Variants in NYAP2 observed in about 807,000 individuals in gnomAD.
NYAP2 encodes neuronal tyrosine-phosphorylated phosphoinositide-3-kinase adapter 2.
A neutral mutation model predicts 50.4 loss-of-function variants in NYAP2; 23 were observed. The ratio of observed to expected loss-of-function variants is 0.46; its 90% CI spans 0.33 to 0.65. The LOEUF (loss-of-function observed/expected upper bound fraction) is 0.65. Ranked by LOEUF, NYAP2 falls within the 30% of genes least tolerant of loss-of-function variation. NYAP2 has a pLI of 0.02. For synonymous variants in NYAP2, 394 were observed against 365.2 expected (o/e 1.08, Z -0.90); for missense variants, 885 against 861.0 (o/e 1.03, Z -0.35).
intron 4 of NYAP2, among the ~76,000 whole-genome samples, chr2:225,559,348 C>T (rs941864678): frequency 1.3e-4 from 4 of 29,704 alleles, no homozygotes; most frequent in Non-Finnish European, 3.5e-4. Flanking sequence ...TGTACAAATG[C>T]CAAAAAAAAA....
chr2:225,604,805 A>G (rs911926104), intron 5 of NYAP2, among the ~76,000 whole-genome samples: 3 of 152,180 alleles, frequency 2.0e-5, no homozygotes, highest in Non-Finnish European at 4.4e-5. Context: ...ATTTATTGAG[A>G]GAATCAGTAA....
intron 3 of NYAP2, among the ~76,000 whole-genome samples, chr2:225,472,930 G>A (rs1042131634): frequency 4.9e-4 from 75 of 152,142 alleles, no homozygotes; most frequent in African/African-American, 1.7e-3. Flanking sequence ...TTTACATTAG[G>A]CATATCTCCT....
chr2:225,605,025 A>G (rs906308507), intron 5 of NYAP2, among the ~76,000 whole-genome samples: 1 of 152,160 alleles, frequency 6.6e-6, no homozygotes, highest in African/African-American at 2.4e-5. Context: ...TATTCTCATT[A>G]GCCTTTGTAA....
At chr2:225,422,960 T>C (rs1041403436) in intron 3 of NYAP2, among the ~76,000 whole-genome samples, 1 of 152,138 alleles carries the variant, frequency 6.6e-6, no homozygotes, top group African/African-American at 2.4e-5. Context: ...CTATAAAATA[T>C]GGCTTTCTGA....
intron 5 of NYAP2, among the ~76,000 whole-genome samples, chr2:225,625,172 A>G (rs1195201627): frequency 6.6e-6 from 1 of 151,988 alleles, no homozygotes. Context: ...TTATTAGATA[A>G]TCAGATTTTT....
the NYAP2 span, among the ~76,000 whole-genome samples, chr2:225,698,075 G>T: frequency 6.6e-6 from 1 of 151,850 alleles, no homozygotes; most frequent in African/African-American, 2.4e-5. Flanking sequence ...CTACTGGGGA[G>T]ACTGAGGTGG....
intron 4 of NYAP2, among the ~76,000 whole-genome samples, chr2:225,573,875 G>T (rs991710845): frequency 1.2e-4 from 18 of 152,136 alleles, no homozygotes; most frequent in African/African-American, 4.3e-4. Context: ...ATACTCTGTA[G>T]GTCAAGGCAA....
At chr2:225,531,790 C>A (rs926010011) in intron 4 of NYAP2, among the ~76,000 whole-genome samples, 3 of 152,186 alleles carry the variant, frequency 2.0e-5, no homozygotes, top group Non-Finnish European at 4.4e-5. Flanking sequence ...AATACAGCAA[C>A]CACTCTGAAT....
chr2:225,699,494 T>C, the NYAP2 span: 48 of 152,052 alleles, frequency 3.2e-4, no homozygotes, highest in African/African-American at 1.0e-3. Context: ...TTCATGTGTA[T>C]GCTTGTTTCC....
chr2:225,513,398 C>T (rs371670220), exon 4 of NYAP2: 91 of 1,613,956 alleles, frequency 5.6e-5, no homozygotes, highest in African/African-American at 1.1e-4. Context: ...GGCGAGGCCA[C>T]GAAGGAAGTT....
Position 225,621,459 on chromosome 2 carries a change from G to A in NYAP2, c.1619-5458G>A, listed in dbSNP as rs572627241. ...AGAGACAGAAAGTAGAGGAGGGGTT[G>A]TCGGGGGCCAAAGGGAGGAGGAAAT... is the stretch of plus-strand genomic sequence containing the variant. On this transcript the variant is annotated intron_variant, in intron 5 of 6. Coordinates refer to ENST00000636099, the Ensembl canonical transcript of NYAP2. Among the ~76,000 whole-genome samples, 16 of 152,282 alleles carry A rather than the reference G, an allele frequency of 1.1e-4. No homozygotes were observed. The South Asian group carries it at 2.5e-3, about 24-fold the overall frequency.
At chr2:225,675,936 G>T in the NYAP2 span, among the ~76,000 whole-genome samples, 1 of 152,036 alleles carries the variant, frequency 6.6e-6, no homozygotes, top group Admixed American at 6.6e-5. Flanking sequence ...GGCCACTTGT[G>T]TGCCTTCTTT....
chr2:225,587,828 C>A (rs1301056525), intron 5 of NYAP2, among the ~76,000 whole-genome samples: 59 of 146,174 alleles, frequency 4.0e-4, no homozygotes, highest in Non-Finnish European at 3.6e-4. Flanking sequence ...CTTGGCATTA[C>A]AAAAAAAAAA....
intron 3 of NYAP2, among the ~76,000 whole-genome samples, chr2:225,509,391 G>A (rs758688311): frequency 1.3e-5 from 2 of 152,138 alleles, no homozygotes; most frequent in African/African-American, 2.4e-5. Flanking sequence ...TTCCACAATG[G>A]CAATGACACT....
intron 4 of NYAP2, among the ~76,000 whole-genome samples, chr2:225,572,595 G>T (rs934088577): frequency 4.6e-5 from 7 of 152,204 alleles, no homozygotes; most frequent in African/African-American, 1.7e-4. Context: ...GACATTTGGG[G>T]ATTATGGGAA....
Position 225,582,650 on chromosome 2 carries a change from C to G in NYAP2, c.1233C>G (p.Ser411=), listed in dbSNP as rs1692313548. 1.9e-6 allele frequency: 3 copies of G among 1,596,670 alleles called. No homozygotes were observed. Among genetic ancestry groups the G allele is most frequent in the Non-Finnish European group, 2.6e-6 (3 of 1,171,546 alleles). The change falls in exon 5 of 7, where the codon TCC becomes TCG. Residue 411 remains serine (S), a synonymous_variant. Transcript: ENST00000636099. The surrounding 1 kb of genome is among the most constrained non-coding windows in gnomAD (Gnocchi z 7.0). Reference sequence around the variant, plus strand: ...CTGCCTCTGCCACCCCTGCGCTCTCCTCGTCGCCCCCACCCCCGTCTACGC... The same window carrying G: ...CTGCCTCTGCCACCCCTGCGCTCTCGTCGTCGCCCCCACCCCCGTCTACGC...
chr2:225,650,247 A>G (rs529769427), intron 6 of NYAP2, among the ~76,000 whole-genome samples: 56 of 152,332 alleles, frequency 3.7e-4, no homozygotes, highest in African/African-American at 1.3e-3. Flanking sequence ...GATATAGTCA[A>G]TGCTTTTCTC....
intron 5 of NYAP2, among the ~76,000 whole-genome samples, chr2:225,615,720 T>G (rs1327969197): frequency 6.6e-6 from 1 of 152,124 alleles, no homozygotes; most frequent in Non-Finnish European, 1.5e-5. Context: ...GTGTCAAAAC[T>G]GTGGATTCTG....
chr2:225,680,981 A>G, the NYAP2 span, among the ~76,000 whole-genome samples: 2 of 152,238 alleles, frequency 1.3e-5, no homozygotes, highest in African/African-American at 4.8e-5. Flanking sequence ...TCCAATAGCA[A>G]TATATTTCCT....
Sources: allele counts gnomAD v4.1 joint callset (sites outside exome capture counted in the v4.1 genomes callset), GRCh38; gene constraint gnomAD v4.1.1; non-coding constraint Gnocchi (gnomAD v3.1); transcripts MANE v1.5; gene names NCBI Gene and HGNC (gene_info 2026-07-23, HGNC 2026-07-21).